PTPRN2: variants seen among roughly 807,000 people sequenced by gnomAD.
PTPRN2 encodes receptor-type tyrosine-protein phosphatase N2.
A neutral mutation model predicts 118.8 loss-of-function variants in PTPRN2; 74 were observed. That is an observed-to-expected ratio of 0.62 (90% CI 0.52 to 0.76). The LOEUF is 0.76. Ranked by LOEUF, PTPRN2 falls within the 30% of genes least tolerant of loss-of-function variation. PTPRN2 has a pLI of 0.00. For missense variants in PTPRN2, 1,481 were observed against 1,394.4 expected (o/e 1.06, Z -0.99); for synonymous variants, 641 against 608.0 (o/e 1.05, Z -0.80).
At chr7:158,235,956 A>C (rs1585927862) in intron 3 of PTPRN2, among the ~76,000 whole-genome samples, 1 of 152,016 alleles carries the variant, frequency 6.6e-6, no homozygotes, top group Non-Finnish European at 1.5e-5. Context: ...GTGTGACCAC[A>C]CCTCCCAAAA....
chr7:158,500,079 G>A (rs1586812879), intron 1 of PTPRN2, among the ~76,000 whole-genome samples: 1 of 147,170 alleles, frequency 6.8e-6, no homozygotes, highest in Non-Finnish European at 1.5e-5. Flanking sequence ...TTATTTTTAA[G>A]TGATGAGATA....
In PTPRN2 at chr7:157,881,995, C is replaced by T. The variant is rs182104661; in HGVS notation, c.1788+16678G>A. On this transcript the variant is annotated intron_variant, in intron 12 of 22. Transcript: ENST00000389418. This position sits in a 1 kb window ranked among gnomAD's most constrained non-coding sequence, Gnocchi z 4.7. ...TCAGAACATGCCACCCCAAAAACAA[C>T]TGTCGAAGAACAGAACATGCTGCCC... 3.9e-5 allele frequency among the ~76,000 whole-genome samples: 6 copies of T among 152,202 alleles called. No individual in the cohort carries two copies. The South Asian group carries it at 8.3e-4, about 21-fold the overall frequency.
chr7:158,197,535 C>A (rs1457084283), intron 4 of PTPRN2, among the ~76,000 whole-genome samples: 1 of 152,164 alleles, frequency 6.6e-6, no homozygotes, highest in Admixed American at 6.5e-5. Flanking sequence ...GATAAACCCA[C>A]CATGTTTTTA....
intron 2 of PTPRN2, among the ~76,000 whole-genome samples, chr7:158,359,991 G>C (rs1808732010): frequency 6.6e-6 from 1 of 152,008 alleles, no homozygotes. Context: ...GCGTGTGAAG[G>C]GGACACGGAC....
rs374493156 is a variant in PTPRN2 at position 157,942,849 on chromosome 7, C to T, written c.1724-44112G>A. On this transcript the variant is annotated intron_variant, in intron 11 of 22. Coordinates refer to ENST00000389418, the MANE Select transcript of PTPRN2 (RefSeq NM_002847.5). Reference sequence around the variant, plus strand: ...TCCTTCCTTTTCATTCCCACTGGTGCCACCCCAGCCACCTTCATCTGCGTA... The same window carrying T: ...TCCTTCCTTTTCATTCCCACTGGTGTCACCCCAGCCACCTTCATCTGCGTA... Among the ~76,000 whole-genome samples the T allele has an allele frequency of 4.6e-5, 7 of 152,302 alleles. No individual in the cohort carries two copies. The East Asian group carries it at 1.4e-3, about 29-fold the overall frequency.
intron 12 of PTPRN2, among the ~76,000 whole-genome samples, chr7:157,725,712 T>C (rs111648455): frequency 0.051 from 709 of 13,950 alleles, no homozygotes; most frequent in East Asian, 0.063. Flanking sequence ...GATATCCACA[T>C]GCAGAGGAGT....
intron 3 of PTPRN2, among the ~76,000 whole-genome samples, chr7:158,308,928 G>GA (rs769545810): frequency 2.6e-5 from 4 of 151,936 alleles, no homozygotes; most frequent in Non-Finnish European, 4.4e-5. Flanking sequence ...GCTGACTCAA[G>GA]AAGAAATAGA....
At chr7:157,688,620 G>T (rs374822153) in intron 12 of PTPRN2, among the ~76,000 whole-genome samples, 1 of 152,200 alleles carries the variant, frequency 6.6e-6, no homozygotes, top group Non-Finnish European at 1.5e-5. Context: ...GGTGCTTCTC[G>T]GGACGGGGCC....
At chr7:158,432,674 G>A (rs755074541) in intron 2 of PTPRN2, among the ~76,000 whole-genome samples, 5 of 152,188 alleles carry the variant, frequency 3.3e-5, no homozygotes, top group African/African-American at 1.2e-4. Context: ...ATTCCAAAGC[G>A]TTCACCAGTG....
intron 3 of PTPRN2, among the ~76,000 whole-genome samples, chr7:158,218,505 C>A (rs1452472798): frequency 6.6e-6 from 1 of 152,050 alleles, no homozygotes; most frequent in South Asian, 2.1e-4. Flanking sequence ...AGCTCACTTG[C>A]ACTATAAAGC....
chr7:158,506,335 T>C (rs1008129258), intron 1 of PTPRN2, among the ~76,000 whole-genome samples: 15 of 152,100 alleles, frequency 9.9e-5, no homozygotes, highest in Non-Finnish European at 2.1e-4. Flanking sequence ...GGCTGCGGGC[T>C]CCACAGTGAG....
At chr7:157,605,535 A>G (rs1396657153) in intron 15 of PTPRN2, among the ~76,000 whole-genome samples, 1 of 152,200 alleles carries the variant, frequency 6.6e-6, no homozygotes, top group Non-Finnish European at 1.5e-5. Context: ...ACCATTCGAC[A>G]GGTCCTGAGT....
At chr7:157,957,244 T>C (rs1470644143) in intron 11 of PTPRN2, among the ~76,000 whole-genome samples, 1 of 152,228 alleles carries the variant, frequency 6.6e-6, no homozygotes. Context: ...TGCAGCACCC[T>C]GTACCAACCC....
In PTPRN2 at chr7:157,543,759, C is replaced by G. The variant is rs73181271; in HGVS notation, c.2977-2974G>C. On this transcript the variant is annotated intron_variant, in intron 22 of 22. Coordinates refer to ENST00000389418, the MANE Select transcript of PTPRN2 (RefSeq NM_002847.5). Reference sequence around the variant, plus strand: ...CTCCAGGAGGCTGCACACATAACTGCGGGGCAGCTTCCCCCAGCACCTCTC... The same window carrying G: ...CTCCAGGAGGCTGCACACATAACTGGGGGGCAGCTTCCCCCAGCACCTCTC... 8.5e-4 allele frequency among the ~76,000 whole-genome samples: 130 copies of G among 152,152 alleles called. 1 individual carries two copies. Among genetic ancestry groups the G allele is most frequent in the African/African-American group, 3.0e-3 (125 of 41,498 alleles).
intron 1 of PTPRN2, among the ~76,000 whole-genome samples, chr7:158,524,280 T>A (rs1267050280): frequency 6.1e-4 from 23 of 37,490 alleles, no homozygotes; most frequent in East Asian, 1.2e-3. Context: ...TCTGCCCTGG[T>A]GTGGAGTCGT....
chr7:157,635,614 A>G (rs2150680770), intron 14 of PTPRN2, among the ~76,000 whole-genome samples: 1 of 152,248 alleles, frequency 6.6e-6, no homozygotes, highest in South Asian at 2.1e-4. Flanking sequence ...CCTATATTTT[A>G]TTGTCTTCGC....
Position 158,078,839 on chromosome 7 carries a change from G to GT in PTPRN2, c.1723+2458dup, listed in dbSNP as rs143893746. Among the ~76,000 whole-genome samples the GT allele has an allele frequency of 7.7e-3, 1,175 of 152,136 alleles. 16 individuals are homozygous for GT. Among genetic ancestry groups the GT allele is most frequent in the African/African-American group, 0.026 (1,091 of 41,506 alleles). ...AAAATTCTTTTTTATAATCTCTTGGGTTTTTTTTGTTTCTTTGTTTGTTTG... is the reference window on the plus strand; with the variant it reads ...AAAATTCTTTTTTATAATCTCTTGGGTTTTTTTTTGTTTCTTTGTTTGTTTG... On this transcript the variant is annotated intron_variant, in intron 11 of 22. Transcript: ENST00000389418.
intron 2 of PTPRN2, among the ~76,000 whole-genome samples, chr7:158,356,817 T>C (rs1214553920): frequency 6.6e-6 from 1 of 151,116 alleles, no homozygotes; most frequent in Admixed American, 6.6e-5. Context: ...TAATTTCTGA[T>C]AAATTTTCTC....
At chr7:158,429,921 C>G (rs1036874355) in intron 2 of PTPRN2, among the ~76,000 whole-genome samples, 16 of 151,938 alleles carry the variant, frequency 1.1e-4, no homozygotes, top group Non-Finnish European at 2.2e-4. Context: ...TTTCTTTTTT[C>G]TTTTGAGATG....
Sources: allele counts gnomAD v4.1 joint callset (sites outside exome capture counted in the v4.1 genomes callset), GRCh38; gene constraint gnomAD v4.1.1; non-coding constraint Gnocchi (gnomAD v3.1); transcripts MANE v1.5; gene names NCBI Gene and HGNC (gene_info 2026-07-23, HGNC 2026-07-21).